HYCC1: variants seen among roughly 807,000 people sequenced by gnomAD.
HYCC1 encodes hyccin.
chr7:22,987,152 G>A, the HYCC1 span, among the ~76,000 whole-genome samples: 1 of 152,150 alleles, frequency 6.6e-6, no homozygotes, highest in African/African-American at 2.4e-5. Context: ...AACACAATCT[G>A]AAAGATAATA....
At chr7:22,969,514 G>GT in the HYCC1 span, among the ~76,000 whole-genome samples, 29 of 112,138 alleles carry the variant, frequency 2.6e-4, no homozygotes, top group South Asian at 9.7e-4. Flanking sequence ...AAATTTGGGT[G>GT]TTTTTTTTTG....
chr7:22,934,419 G>C, the HYCC1 span: 13 of 151,946 alleles, frequency 8.6e-5, no homozygotes, highest in Non-Finnish European at 1.6e-4. Flanking sequence ...TTGCTTCTCT[G>C]ATTCTTAACA....
At chr7:22,938,049 T>A in the HYCC1 span, 2 of 152,000 alleles carry the variant, frequency 1.3e-5, no homozygotes, top group African/African-American at 2.4e-5. Flanking sequence ...TCAATACAGC[T>A]TGGATAAGAC....
At chr7:22,933,422 A>T in the HYCC1 span, among the ~76,000 whole-genome samples, 1 of 151,992 alleles carries the variant, frequency 6.6e-6, no homozygotes, top group African/African-American at 2.4e-5. Context: ...ATTTCTCTTT[A>T]TCTCTAATAA....
At chr7:22,960,470 T>C in the HYCC1 span, 2 of 1,384,282 alleles carry the variant, frequency 1.4e-6, no homozygotes, top group African/African-American at 1.5e-5. Context: ...GCAGATATAT[T>C]ATCTAACCCT....
At chr7:22,948,969 G>C in the HYCC1 span, among the ~76,000 whole-genome samples, 59,364 of 151,720 alleles carry the variant, frequency 0.39, 11,579 homozygotes, top group East Asian at 0.5. Context: ...AGATAAAATC[G>C]CCATGGCACT....
At chr7:22,968,759 C>T in the HYCC1 span, among the ~76,000 whole-genome samples, 1 of 152,208 alleles carries the variant, frequency 6.6e-6, no homozygotes, top group Admixed American at 6.5e-5. Flanking sequence ...GAGGCCAAGG[C>T]AGATGGATCA....
chr7:22,983,462 C>T, the HYCC1 span, among the ~76,000 whole-genome samples: 1 of 152,190 alleles, frequency 6.6e-6, no homozygotes, highest in Non-Finnish European at 1.5e-5. Flanking sequence ...TTTTCTGAGC[C>T]TCCGTATACT....
the HYCC1 span, among the ~76,000 whole-genome samples, chr7:22,953,168 C>A: frequency 0.39 from 59,599 of 151,592 alleles, 11,697 homozygotes; most frequent in East Asian, 0.5. Flanking sequence ...TTGCAACATA[C>A]GGCCGCTGCA....
the HYCC1 span, among the ~76,000 whole-genome samples, chr7:22,905,962 A>G: frequency 6.6e-6 from 1 of 152,208 alleles, no homozygotes. Context: ...ATTAAGTACC[A>G]GTTACAGTCT....
chr7:22,989,000 A>T, the HYCC1 span, among the ~76,000 whole-genome samples: 6 of 152,110 alleles, frequency 3.9e-5, no homozygotes, highest in Admixed American at 3.9e-4. Flanking sequence ...GGGAATAAAC[A>T]AACAGATGGA....
the HYCC1 span, chr7:22,977,503 A>AT: frequency 2.4e-6 from 2 of 823,134 alleles, no homozygotes; most frequent in South Asian, 1.7e-5. Context: ...AGTCTAAAAC[A>AT]TTTTTTTGAA....
chr7:22,957,159 T>A, the HYCC1 span, among the ~76,000 whole-genome samples: 2 of 151,928 alleles, frequency 1.3e-5, no homozygotes, highest in Non-Finnish European at 2.9e-5. Context: ...TTACTGATAA[T>A]AAAAGAGAAT....
the HYCC1 span, among the ~76,000 whole-genome samples, chr7:22,966,058 A>T: frequency 6.6e-6 from 1 of 152,170 alleles, no homozygotes; most frequent in Non-Finnish European, 1.5e-5. Context: ...ACTAAACATA[A>T]TGTTTTGAAA....
the HYCC1 span, chr7:22,935,331 A>G: frequency 3.9e-5 from 6 of 152,250 alleles, no homozygotes; most frequent in South Asian, 1.2e-3. Flanking sequence ...TTTATTACCA[A>G]GCACTTAGGG....
chr7:22,941,368 C>G, the HYCC1 span: 19 of 152,152 alleles, frequency 1.2e-4, no homozygotes, highest in East Asian at 3.5e-3. Context: ...AAACTAAACT[C>G]CAGTTTATTT....
the HYCC1 span, among the ~76,000 whole-genome samples, chr7:22,980,735 T>G: frequency 6.6e-6 from 1 of 152,146 alleles, no homozygotes; most frequent in African/African-American, 2.4e-5. Flanking sequence ...CAGCAGCTAC[T>G]GGTACCGGAC....
At chr7:22,951,507 A>G in the HYCC1 span, among the ~76,000 whole-genome samples, 1 of 151,932 alleles carries the variant, frequency 6.6e-6, no homozygotes, top group Non-Finnish European at 1.5e-5. Context: ...ACTTAGAATA[A>G]ACCCCAAAAC....
the HYCC1 span, among the ~76,000 whole-genome samples, chr7:22,989,643 C>T: frequency 3.9e-5 from 6 of 152,088 alleles, no homozygotes; most frequent in Non-Finnish European, 7.3e-5. Context: ...CAGGCATAAG[C>T]CACCTCATCT....
Sources: allele counts gnomAD v4.1 joint callset (sites outside exome capture counted in the v4.1 genomes callset), GRCh38; gene constraint gnomAD v4.1.1; transcripts MANE v1.5; gene names NCBI Gene and HGNC (gene_info 2026-07-23, HGNC 2026-07-21).